The following HSPA4 variants were observed in gnomAD, a reference collection of about 807,000 sequenced individuals.
HSPA4 encodes heat shock 70 kDa protein 4.
In HSPA4, 25 loss-of-function variants were observed where a neutral mutation model predicts 106.2. The ratio of observed to expected loss-of-function variants is 0.24; its 90% CI spans 0.17 to 0.33. The LOEUF is 0.33. HSPA4 is among the 10% of genes least tolerant of loss of function. The pLI is 1.00. For synonymous variants in HSPA4, 332 were observed against 333.6 expected (o/e 1.00, Z 0.05); for missense variants, 841 against 996.0 (o/e 0.84, Z 2.10).
Position 133,052,204 on chromosome 5 carries a change from G to A in HSPA4, c.-47G>A. ...TAGCCCCGCCGGGGGTCCGTGTCCT[G>A]TCTCGGTGGCCGGACCCGGGCCCGA... On this transcript the variant is annotated 5_prime_UTR_variant, in exon 1 of 19. Transcript: ENST00000304858. 1.5e-6 allele frequency: 2 copies of A among 1,360,900 alleles called. No individual in the cohort carries two copies. Among genetic ancestry groups the A allele is most frequent in the Non-Finnish European group, 1.0e-6 (1 of 985,092 alleles). The allele number at this position is 1,360,900 out of a possible 1,614,324, so 84.3% of individuals were successfully genotyped here.
chr5:133,067,895 T>G (rs1228931675), intron 3 of HSPA4, among the ~76,000 whole-genome samples: 1 of 151,054 alleles, frequency 6.6e-6, no homozygotes, highest in Non-Finnish European at 1.5e-5. Context: ...AATCACAGTT[T>G]TTTTTTTTTT....
rs1765605453 is a variant in HSPA4 at position 133,088,454 on chromosome 5, C to T, written c.1036C>T (p.Arg346Ter). ...YAVEIVGGAT[R>*]IPAVKEKISK... Reference sequence around the variant, plus strand: ...AGTGGAGATAGTTGGTGGTGCTACACGAATCCCTGCGGTAAAAGAGAAGAT... The same window carrying T: ...AGTGGAGATAGTTGGTGGTGCTACATGAATCCCTGCGGTAAAAGAGAAGAT... The change falls in exon 9 of 19, where the codon CGA becomes TGA. Residue 346 changes from arginine to a stop codon, truncating the protein, a stop_gained. Coordinates refer to ENST00000304858, the MANE Select transcript of HSPA4 (RefSeq NM_002154.4). LOFTEE classifies it high-confidence loss of function. 1.9e-6 allele frequency: 3 copies of T among 1,611,890 alleles called. No individual in the cohort carries two copies. The highest frequency in any genetic ancestry group is 1.3e-5 in the African/African-American group (1 of 74,814).
At chr5:133,056,551 G>A (rs181686642) in intron 1 of HSPA4, among the ~76,000 whole-genome samples, 113 of 152,314 alleles carry the variant, frequency 7.4e-4, no homozygotes, top group African/African-American at 2.6e-3. Context: ...GAATACAGGC[G>A]TGAGCCACCG....
intron 6 of HSPA4, among the ~76,000 whole-genome samples, chr5:133,075,092 T>A (rs1437978003): frequency 6.6e-6 from 1 of 152,204 alleles, no homozygotes; most frequent in Non-Finnish European, 1.5e-5. Flanking sequence ...CTTTGAAAAA[T>A]AGACGTTTCC....
At chr5:133,077,874 A>C (rs1765465002) in intron 7 of HSPA4, among the ~76,000 whole-genome samples, 1 of 152,134 alleles carries the variant, frequency 6.6e-6, no homozygotes, top group African/African-American at 2.4e-5. Flanking sequence ...GTTTTTGTTA[A>C]GCAGCAGTCT....
At chr5:133,072,392 G>GTTTTTT (rs748459297) in intron 4 of HSPA4, among the ~76,000 whole-genome samples, 1,315 of 75,728 alleles carry the variant, frequency 0.017, 75 homozygotes, top group Non-Finnish European at 0.022. Flanking sequence ...GTCCAGGGTT[G>GTTTTTT]TTTTTTTTTT....
At chr5:133,099,350 C>G (rs2126716694) in intron 15 of HSPA4, among the ~76,000 whole-genome samples, 195 bp from the exon 16 acceptor site, 1 of 151,702 alleles carries the variant, frequency 6.6e-6, no homozygotes, top group Non-Finnish European at 1.5e-5. Flanking sequence ...CCAGGCTGTT[C>G]TTGAACTCCT....
intron 14 of HSPA4, among the ~76,000 whole-genome samples, chr5:133,096,799 C>A (rs369437618): frequency 1.3e-5 from 2 of 152,298 alleles, no homozygotes; most frequent in East Asian, 3.9e-4. Flanking sequence ...ATGGAAACTT[C>A]AGCATTTATA....
intron 1 of HSPA4, among the ~76,000 whole-genome samples, chr5:133,053,683 G>A (rs923803664): frequency 2.7e-5 from 4 of 150,384 alleles, no homozygotes; most frequent in African/African-American, 4.9e-5. Flanking sequence ...GATTGAGATG[G>A]AGTCTCGCTC....
intron 7 of HSPA4, among the ~76,000 whole-genome samples, chr5:133,078,462 C>CT (rs1561580748): frequency 6.6e-6 from 1 of 151,554 alleles, no homozygotes; most frequent in Non-Finnish European, 1.5e-5. Flanking sequence ...AGGTGAAACT[C>CT]TTTCTCTACT....
Position 133,106,101 on chromosome 5 carries a change from AATTTTTTTTTTTT to A in HSPA4, c.*1666_*1678del, listed in dbSNP as rs1561589080. ...GGCCATTTCTTCTTAAAAAAAAAAAAATTTTTTTTTTTTTTTTTTTTTTTTTTTTTTTTTTTTT... is the reference window on the plus strand; with the variant it reads ...GGCCATTTCTTCTTAAAAAAAAAAAATTTTTTTTTTTTTTTTTTTTTTTTT... On this transcript the variant is annotated 3_prime_UTR_variant, in exon 19 of 19. Coordinates refer to ENST00000304858, the MANE Select transcript of HSPA4 (RefSeq NM_002154.4). The A allele has an allele frequency of 2.6e-3, 209 of 80,200 alleles. 10 individuals are homozygous for A. The highest frequency in any genetic ancestry group is 8.4e-3 in the African/African-American group (166 of 19,830). The allele number at this position is 80,200 out of a possible 1,614,324, so 5.0% of individuals were successfully genotyped here.
At chr5:133,102,564 C>T (rs529939023) in intron 17 of HSPA4, among the ~76,000 whole-genome samples, 1 of 152,210 alleles carries the variant, frequency 6.6e-6, no homozygotes, top group African/African-American at 2.4e-5. Context: ...CCTCACTTTC[C>T]TTAAGCAACA....
At chr5:133,060,363 G>T (rs1310049396) in intron 1 of HSPA4, among the ~76,000 whole-genome samples, 3 of 150,846 alleles carry the variant, frequency 2.0e-5, no homozygotes, top group Non-Finnish European at 4.4e-5. Context: ...AATTTGTGCT[G>T]TTATACTTTT....
intron 12 of HSPA4, 34 bp from the exon 13 acceptor site, chr5:133,092,666 C>T (rs1765660297): frequency 7.2e-7 from 1 of 1,386,478 alleles, no homozygotes; most frequent in Admixed American, 1.7e-5. Context: ...TTTAGTCTTC[C>T]TAATTGCAGG....
chr5:133,056,844 T>C lies in HSPA4; in HGVS notation c.107+4487T>C, dbSNP rs547177376. On this transcript the variant is annotated intron_variant, in intron 1 of 18. Transcript: ENST00000304858. ...AACAGATGTGATTTCTCTACTTCAT[T>C]GGAGATTATGAGAATTATAATGAGT... Among the ~76,000 whole-genome samples, 28 of 152,338 alleles carry C rather than the reference T, an allele frequency of 1.8e-4. No homozygotes were observed. In the South Asian group the frequency reaches 5.8e-3, roughly 32 times the overall value.
At chr5:133,083,548 A>G (rs900395308) in intron 7 of HSPA4, among the ~76,000 whole-genome samples, 2 of 151,740 alleles carry the variant, frequency 1.3e-5, no homozygotes, top group African/African-American at 4.8e-5. Flanking sequence ...TATTATTATT[A>G]TTTTTTGAGA....
chr5:133,089,782 G>A, intron 11 of HSPA4, 87 bp downstream of exon 11: 1 of 1,078,014 alleles, frequency 9.3e-7, no homozygotes, highest in Non-Finnish European at 1.3e-6. Flanking sequence ...GAAAGGCTAA[G>A]GTGGGAGGAT....
Position 133,074,137 on chromosome 5 carries a change from A to ATT in HSPA4, c.663+18_663+19dup. 1 of 1,565,222 alleles carries ATT rather than the reference A, an allele frequency of 6.4e-7. No homozygotes were observed. Among genetic ancestry groups the ATT allele is most frequent in the Non-Finnish European group, 8.6e-7 (1 of 1,156,670 alleles). On this transcript the variant is annotated intron_variant, in intron 6 of 18. Transcript: ENST00000304858. ...AGAGGAAAACTGAAAGTAAGTATATATTTTTTTTCCAGAAGACTGTTAGTA... is the reference window on the plus strand; with the variant it reads ...AGAGGAAAACTGAAAGTAAGTATATATTTTTTTTTTCCAGAAGACTGTTAGTA...
At position 133,064,340 on chromosome 5, in the gene HSPA4, T is replaced by G. The variant is rs148174231; in HGVS notation, c.108-640T>G. Among the ~76,000 whole-genome samples the G allele has an allele frequency of 3.9e-3, 591 of 152,272 alleles. 3 individuals are homozygous for G. Among genetic ancestry groups the G allele is most frequent in the African/African-American group, 0.013 (561 of 41,558 alleles). ...GACCAACATGGTGAAACTCCATCTC[T>G]ACTAAAAATACAAAAATTAGCTGGG... is the stretch of plus-strand genomic sequence containing the variant. On this transcript the variant is annotated intron_variant, in intron 1 of 18. Coordinates refer to ENST00000304858, the MANE Select transcript of HSPA4 (RefSeq NM_002154.4).
Sources: allele counts gnomAD v4.1 joint callset (sites outside exome capture counted in the v4.1 genomes callset), GRCh38; gene constraint gnomAD v4.1.1; transcripts MANE v1.5; gene names NCBI Gene and HGNC (gene_info 2026-07-23, HGNC 2026-07-21).